CCDC102B: variants seen among roughly 807,000 people sequenced by gnomAD.
CCDC102B encodes coiled-coil domain containing 102B, also known as coiled-coil domain-containing protein 102B.
In CCDC102B, 75 loss-of-function variants were observed where a neutral mutation model predicts 57.4. The observed-to-expected ratio is 1.31, with a 90% confidence interval of 1.08 to 1.58. The LOEUF (loss-of-function observed/expected upper bound fraction) is 1.58, where lower values mean the gene tolerates loss of function less well. Ranked by LOEUF, CCDC102B falls within the 40% of genes most tolerant of loss-of-function variation. The probability of loss-of-function intolerance (pLI) is 0.00; values close to 1 mark genes in which losing one functional copy is unlikely to be tolerated. For missense variants in CCDC102B, 636 were observed against 582.6 expected (o/e 1.09, Z -0.94); for synonymous variants, 206 against 201.9 (o/e 1.02, Z -0.17).
intron 4 of CCDC102B, among the ~76,000 whole-genome samples, chr18:68,873,866 GTCAATACAACAAAACATAGCTTAAA>G (rs1299870887): frequency 7.3e-5 from 11 of 151,328 alleles, no homozygotes; most frequent in Non-Finnish European, 1.5e-5. Flanking sequence ...TAAAATATAT[GTCAATACAACAAAACATAGCTTAAA>G]ATATATGTCA....
intron 6 of CCDC102B, among the ~76,000 whole-genome samples, chr18:68,967,173 C>A (rs990696538): frequency 4.4e-3 from 1 of 226 alleles, no homozygotes; most frequent in Non-Finnish European, 8.2e-3. Context: ...TGTAGAACAC[C>A]CCTCTTCCCC....
At chr18:68,793,812 A>G (rs1211764992), upstream of CCDC102B, among the ~76,000 whole-genome samples, 1 of 152,188 alleles carries the variant, frequency 6.6e-6, no homozygotes, top group Non-Finnish European at 1.5e-5. Flanking sequence ...GAAAACAGAC[A>G]GGTACATAAA....
chr18:69,054,116 C>T lies in CCDC102B; in HGVS notation c.1521C>T (p.Leu507=), dbSNP rs1019436500. ...GAAATGAAAACTTAGAGACTGAACT[C>T]AGGCACTTGCAAAACTGGTAATTTT... ...KERNENLETE[L]RHLQNW is the part of the protein sequence containing the mutation. The change falls in exon 8 of 8, where the codon CTC becomes CTT. Residue 507 remains leucine, a synonymous_variant. Transcript: ENST00000360242. 4 of 1,603,726 alleles carry T rather than the reference C, an allele frequency of 2.5e-6. No individual in the cohort carries two copies. The highest frequency in any genetic ancestry group is 2.5e-6 in the Non-Finnish European group (3 of 1,177,082).
upstream of CCDC102B, among the ~76,000 whole-genome samples, chr18:68,797,601 G>C (rs1005423087): frequency 1.3e-5 from 2 of 151,944 alleles, no homozygotes; most frequent in African/African-American, 4.8e-5. Flanking sequence ...TGCAGTTATT[G>C]TTTCATGATT....
intron 2 of CCDC102B, among the ~76,000 whole-genome samples, chr18:68,777,113 T>C (rs1390781122): frequency 6.6e-6 from 1 of 152,232 alleles, no homozygotes; most frequent in Admixed American, 6.5e-5. Context: ...TGCTGAGAAC[T>C]TTTTGATTAA....
intron 6 of CCDC102B, among the ~76,000 whole-genome samples, chr18:68,957,932 G>A (rs992606669): frequency 6.6e-5 from 10 of 151,944 alleles, no homozygotes; most frequent in Admixed American, 2.0e-4. Flanking sequence ...GTATTTGTCC[G>A]TTTTCAAGCT....
chr18:69,001,033 A>G (rs192130154), intron 6 of CCDC102B, among the ~76,000 whole-genome samples: 2 of 152,248 alleles, frequency 1.3e-5, no homozygotes, highest in African/African-American at 4.8e-5. Context: ...AGGCAAGCCA[A>G]TGCACCCACA....
Position 68,956,750 on chromosome 18 carries a change from T to G in CCDC102B, c.1264-54184T>G, listed in dbSNP as rs113546422. On this transcript the variant is annotated intron_variant, in intron 6 of 7. Transcript: ENST00000360242. ...TACTAATTTACATTGCCACCAACAA[T>G]GTACAAGGGTTCCCTTTTCTCCACA... Among the ~76,000 whole-genome samples, 233 of 149,428 alleles carry G rather than the reference T, an allele frequency of 1.6e-3. 1 individual carries two copies. The highest frequency in any genetic ancestry group is 2.8e-3 in the Non-Finnish European group (192 of 67,684).
chr18:68,758,205 G>T lies in CCDC102B; in HGVS notation c.-67+41611G>T, dbSNP rs570781401. Among the ~76,000 whole-genome samples the T allele has an allele frequency of 2.3e-3, 348 of 151,444 alleles. 3 individuals carry two copies. Among genetic ancestry groups the T allele is most frequent in the African/African-American group, 7.9e-3 (326 of 41,366 alleles). On this transcript the variant is annotated intron_variant, in intron 2 of 3. Coordinates refer to the CCDC102B transcript ENST00000578970. ...TATTATACATGTAGACATGTGTGTT[G>T]TATATGTATATATGTATTACATATG...
intron 2 of CCDC102B, among the ~76,000 whole-genome samples, chr18:68,769,157 G>T (rs1320837548): frequency 6.6e-6 from 1 of 151,920 alleles, no homozygotes; most frequent in Non-Finnish European, 1.5e-5. Flanking sequence ...AGAGGCTGAG[G>T]CAGGAGAATG....
intron 2 of CCDC102B, among the ~76,000 whole-genome samples, chr18:68,790,716 T>C (rs535731028): frequency 1.8e-4 from 27 of 152,274 alleles, no homozygotes; most frequent in African/African-American, 6.5e-4. Context: ...CCCACTGACC[T>C]GCGCCCACTG....
chr18:68,969,646 A>G (rs2050251644), intron 6 of CCDC102B, among the ~76,000 whole-genome samples: 1 of 152,000 alleles, frequency 6.6e-6, no homozygotes, highest in African/African-American at 2.4e-5. Context: ...AACATATGCC[A>G]CAAAATTTAC....
intron 6 of CCDC102B, among the ~76,000 whole-genome samples, chr18:68,900,618 T>C (rs943377608): frequency 2.6e-5 from 4 of 152,144 alleles, no homozygotes; most frequent in Non-Finnish European, 4.4e-5. Flanking sequence ...GGGGTATACA[T>C]GTCACACTGT....
chr18:68,963,382 A>G (rs1413809046), intron 6 of CCDC102B, among the ~76,000 whole-genome samples: 1 of 152,016 alleles, frequency 6.6e-6, no homozygotes, highest in African/African-American at 2.4e-5. Flanking sequence ...ATGGAGTGTA[A>G]CAGGGAATTC....
At chr18:68,956,360 A>ATTAATATATAT (rs1568351914) in intron 6 of CCDC102B, among the ~76,000 whole-genome samples, 1 of 74,942 alleles carries the variant, frequency 1.3e-5, no homozygotes, top group Non-Finnish European at 2.4e-5. Context: ...TAATATATAT[A>ATTAATATATAT]ATATATATAT....
intron 1 of CCDC102B, among the ~76,000 whole-genome samples, chr18:68,828,031 T>G (rs963346822): frequency 6.6e-6 from 1 of 151,778 alleles, no homozygotes; most frequent in Non-Finnish European, 1.5e-5. Context: ...GACATAATGA[T>G]CCTATATGAG....
At chr18:68,794,819 G>A, upstream of CCDC102B, among the ~76,000 whole-genome samples, 1 of 152,016 alleles carries the variant, frequency 6.6e-6, no homozygotes, top group African/African-American at 2.4e-5. Context: ...TTTTTATTCT[G>A]AGAGGTCCCA....
intron 6 of CCDC102B, among the ~76,000 whole-genome samples, chr18:68,945,886 G>A (rs745969630): frequency 1.3e-3 from 193 of 152,074 alleles, no homozygotes; most frequent in Non-Finnish European, 1.2e-3. Context: ...CTGGCTTGGG[G>A]AAAGGCATTT....
chr18:69,027,014 C>T (rs1049493229), intron 7 of CCDC102B, among the ~76,000 whole-genome samples: 13 of 152,158 alleles, frequency 8.5e-5, no homozygotes, highest in Non-Finnish European at 2.9e-5. Flanking sequence ...TCGTCCATCA[C>T]GAATTGAGGG....
Sources: gnomAD v4.1 joint callset for allele counts (sites outside exome capture counted in the v4.1 genomes callset) on GRCh38, gnomAD v4.1.1 for gene constraint, MANE v1.5 for transcripts, NCBI Gene and HGNC (gene_info 2026-07-23, HGNC 2026-07-21) for gene names.